The following DAB1 variants were observed in gnomAD, a reference collection of about 807,000 sequenced individuals.
DAB1 encodes disabled homolog 1.
Under a neutral mutation model 64.6 loss-of-function variants are expected in DAB1, and 15 were observed. The ratio of observed to expected loss-of-function variants is 0.23; its 90% CI spans 0.16 to 0.36. DAB1 has a LOEUF of 0.36. Among genes scored for constraint, DAB1 ranks in the 10% least tolerant of loss-of-function variants. The pLI, the probability that DAB1 is intolerant of heterozygous loss-of-function variation, is 1.00. For missense variants in DAB1, 596 were observed against 706.7 expected (o/e 0.84, Z 1.78); for synonymous variants, 235 against 251.9 (o/e 0.93, Z 0.64).
chr1:58,125,482 C>T (rs1557660996), intron 5 of DAB1, among the ~76,000 whole-genome samples: 1 of 151,288 alleles, frequency 6.6e-6, no homozygotes, highest in East Asian at 1.9e-4. Context: ...CCTGTGTCAC[C>T]CAGGCTGGAG....
At chr1:57,215,939 GA>G (rs1484546550) in intron 2 of DAB1, among the ~76,000 whole-genome samples, 1 of 152,178 alleles carries the variant, frequency 6.6e-6, no homozygotes, top group Non-Finnish European at 1.5e-5. Context: ...CTCCGTGGGA[GA>G]CCCCACTGGG....
chr1:58,204,386 C>T (rs1658150122), intron 4 of DAB1, among the ~76,000 whole-genome samples: 1 of 152,196 alleles, frequency 6.6e-6, no homozygotes, highest in South Asian at 2.1e-4. Flanking sequence ...TGCATCAAAA[C>T]GCTAGTATTC....
chr1:57,585,485 A>T (rs55684251), intron 7 of DAB1, among the ~76,000 whole-genome samples: 11,069 of 152,160 alleles, frequency 0.073, 564 homozygotes, highest in Non-Finnish European at 0.11. Flanking sequence ...TTGAATTCAC[A>T]TTCTTTCATG....
chr1:57,511,722 T>C (rs1418473864), intron 7 of DAB1, among the ~76,000 whole-genome samples: 1 of 152,196 alleles, frequency 6.6e-6, no homozygotes, highest in African/African-American at 2.4e-5. Context: ...TGGAAGCTCC[T>C]TAAATATTGC....
intron 5 of DAB1, among the ~76,000 whole-genome samples, chr1:58,129,269 T>G (rs1018704198): frequency 6.6e-6 from 1 of 151,646 alleles, no homozygotes; most frequent in Non-Finnish European, 1.5e-5. Context: ...TATTCCCTGA[T>G]GGCAGTTTGT....
intron 4 of DAB1, among the ~76,000 whole-genome samples, chr1:58,334,242 C>A (rs1449210925): frequency 2.0e-5 from 3 of 152,130 alleles, no homozygotes; most frequent in East Asian, 3.8e-4. Flanking sequence ...ACCATGACAA[C>A]AGCATGTCCT....
At chr1:57,475,589 T>G (rs188110299) in intron 7 of DAB1, among the ~76,000 whole-genome samples, 1 of 152,224 alleles carries the variant, frequency 6.6e-6, no homozygotes, top group Non-Finnish European at 1.5e-5. Flanking sequence ...CTGTGCTAAG[T>G]GCTTTAAGCA....
At chr1:57,493,025 G>A (rs916045941) in intron 7 of DAB1, among the ~76,000 whole-genome samples, 10 of 151,896 alleles carry the variant, frequency 6.6e-5, no homozygotes, top group Non-Finnish European at 1.0e-4. Context: ...ATGCTACCCC[G>A]TGATTCCACT....
At chr1:57,058,147 C>T (rs1052515337) in intron 9 of DAB1, among the ~76,000 whole-genome samples, 4 of 152,018 alleles carry the variant, frequency 2.6e-5, no homozygotes, top group African/African-American at 4.8e-5. Flanking sequence ...AATGCAGGTG[C>T]GTGAGTGTGT....
chr1:57,060,265 C>T (rs993150899), intron 9 of DAB1, among the ~76,000 whole-genome samples: 5 of 151,944 alleles, frequency 3.3e-5, no homozygotes, highest in Non-Finnish European at 7.4e-5. Context: ...ATTTTCCTGC[C>T]TCAGCCTCCC....
At chr1:58,109,678 G>A (rs1258021531) in intron 5 of DAB1, among the ~76,000 whole-genome samples, 1 of 151,978 alleles carries the variant, frequency 6.6e-6, no homozygotes, top group Non-Finnish European at 1.5e-5. Flanking sequence ...TGGATGGGCT[G>A]ATGGCAAGGA....
chr1:57,985,106 C>T (rs1646181966), intron 5 of DAB1, among the ~76,000 whole-genome samples: 1 of 152,142 alleles, frequency 6.6e-6, no homozygotes, highest in South Asian at 2.1e-4. Context: ...TGGGGTTTCA[C>T]CAGTTTGACC....
At chr1:57,431,577 T>G (rs1376332031) in intron 7 of DAB1, among the ~76,000 whole-genome samples, 1 of 152,286 alleles carries the variant, frequency 6.6e-6, no homozygotes, top group East Asian at 1.9e-4. Context: ...TTGACTCTGG[T>G]TTACAATAGC....
intron 1 of DAB1, among the ~76,000 whole-genome samples, chr1:57,394,456 G>A (rs945302922): frequency 2.0e-5 from 3 of 152,216 alleles, no homozygotes; most frequent in Non-Finnish European, 1.5e-5. Context: ...TTCAGGTCCT[G>A]AACTAGCTTC....
At chr1:58,260,267 C>T (rs562303533) in intron 4 of DAB1, among the ~76,000 whole-genome samples, 1 of 152,280 alleles carries the variant, frequency 6.6e-6, no homozygotes, top group African/African-American at 2.4e-5. Context: ...GCCCTTTACA[C>T]AACGTCATAC....
chr1:58,143,608 C>A (rs1484569002), intron 5 of DAB1, among the ~76,000 whole-genome samples: 1 of 152,082 alleles, frequency 6.6e-6, no homozygotes, highest in African/African-American at 2.4e-5. Context: ...CAGAGACAGG[C>A]AATAACAGCA....
At chr1:57,993,847 C>A (rs994140945) in intron 5 of DAB1, among the ~76,000 whole-genome samples, 25 of 152,216 alleles carry the variant, frequency 1.6e-4, no homozygotes, top group African/African-American at 6.0e-4. Flanking sequence ...ACAATCCCAA[C>A]CCCAGTAGAA....
At chr1:58,320,431 G>T (rs972750695) in intron 4 of DAB1, among the ~76,000 whole-genome samples, 1 of 152,156 alleles carries the variant, frequency 6.6e-6, no homozygotes, top group Non-Finnish European at 1.5e-5. Context: ...ACTACTCTTT[G>T]AGGCAGGCAC....
At chr1:57,797,869 C>T (rs1276665276) in intron 6 of DAB1, among the ~76,000 whole-genome samples, 1 of 143,258 alleles carries the variant, frequency 7.0e-6, no homozygotes, top group East Asian at 2.0e-4. Context: ...GAAAACTGTA[C>T]AAGCTATACA....
Sources: gnomAD v4.1 joint callset for allele counts (sites outside exome capture counted in the v4.1 genomes callset) on GRCh38, gnomAD v4.1.1 for gene constraint, MANE v1.5 for transcripts, NCBI Gene and HGNC (gene_info 2026-07-23, HGNC 2026-07-21) for gene names.